Variants in EYA2 observed in about 807,000 individuals in gnomAD.
EYA2 encodes EYA transcriptional coactivator and phosphatase 2.
EYA2 carries 31 observed loss-of-function variants against 69.2 expected under a neutral mutation model. That is an observed-to-expected ratio of 0.45 (90% confidence interval 0.34 to 0.60). EYA2 has a LOEUF of 0.60. EYA2 is among the 20% of genes least tolerant of loss of function. The pLI, the probability that EYA2 is intolerant of heterozygous loss-of-function variation, is 0.02. For missense variants in EYA2, 622 were observed against 701.2 expected, an observed-to-expected ratio of 0.89 and a Z score of 1.28; for synonymous variants, 257 against 279.4, an observed-to-expected ratio of 0.92 and a Z score of 0.80.
In EYA2 at chr20:47,188,193, T is replaced by G; in HGVS notation, c.*60T>G. ...CTCAGACCCCCTCGCCTTCCCCACC[T>G]CCCCACCGAGAACTCCAGAGACCCA... On this transcript the variant is annotated 3_prime_UTR_variant, in exon 16 of 16. Coordinates refer to ENST00000327619, the MANE Select transcript of EYA2 (RefSeq NM_005244.5). 7.0e-7 allele frequency: 1 copy of G among 1,432,470 alleles called. No homozygotes were observed. Among genetic ancestry groups the G allele is most frequent in the Non-Finnish European group, 9.4e-7 (1 of 1,067,546 alleles). 88.7% of individuals were successfully genotyped at this position (1,432,470 alleles called of 1,614,324 possible).
intron 10 of EYA2, among the ~76,000 whole-genome samples, chr20:47,159,286 C>T (rs747231243): frequency 1.3e-5 from 2 of 151,968 alleles, no homozygotes; most frequent in African/African-American, 4.8e-5. Context: ...AAGAGAATGG[C>T]ACTCCCCATC....
chr20:46,995,426 T>C (rs1183925098), intron 2 of EYA2, among the ~76,000 whole-genome samples: 1 of 152,136 alleles, frequency 6.6e-6, no homozygotes, highest in Non-Finnish European at 1.5e-5. Flanking sequence ...CAGTGGCACC[T>C]CCCGCAAGAG....
intron 1 of EYA2, among the ~76,000 whole-genome samples, chr20:46,951,072 C>A (rs1022608340): frequency 2.0e-5 from 3 of 152,076 alleles, no homozygotes; most frequent in African/African-American, 7.2e-5. Context: ...CACTTGCTGC[C>A]GTTTGGAAGT....
chr20:47,130,297 C>T (rs758032113), intron 9 of EYA2, among the ~76,000 whole-genome samples: 6 of 90,642 alleles, frequency 6.6e-5, no homozygotes, highest in East Asian at 6.9e-4. Context: ...CAGAGTCTTG[C>T]TCTGTAGCCC....
chr20:47,063,382 TGTGC>T (rs1199511989), intron 5 of EYA2, among the ~76,000 whole-genome samples: 1 of 123,004 alleles, frequency 8.1e-6, no homozygotes, highest in Non-Finnish European at 1.6e-5. Context: ...TTTGTGTGTG[TGTGC>T]GTGTGCGTGT....
Position 47,180,544 on chromosome 20 carries a change from C to T in EYA2, c.1314-271C>T, listed in dbSNP as rs111538604. On this transcript the variant is annotated intron_variant, in intron 13 of 15. Transcript: ENST00000327619. ...TTCCATATCACTCATTTACATTACC[C>T]GCAACTATTTAAGTGTATGGCCCTT... 3.4e-3 allele frequency among the ~76,000 whole-genome samples: 522 copies of T among 152,278 alleles called. 2 individuals carry two copies. Among genetic ancestry groups the T allele is most frequent in the African/African-American group, 0.012 (494 of 41,536 alleles).
At chr20:47,142,643 A>G (rs774007903) in intron 9 of EYA2, among the ~76,000 whole-genome samples, 16 of 152,082 alleles carry the variant, frequency 1.1e-4, no homozygotes, top group Non-Finnish European at 2.2e-4. Context: ...CAACATCCCA[A>G]CTCTCCCAGT....
intron 1 of EYA2, among the ~76,000 whole-genome samples, chr20:46,960,222 A>G (rs1468207467): frequency 2.0e-5 from 3 of 152,174 alleles, no homozygotes; most frequent in East Asian, 1.9e-4. Flanking sequence ...CGCCACTGCA[A>G]CCTAGGAGAT....
intron 5 of EYA2, among the ~76,000 whole-genome samples, chr20:47,063,120 T>C (rs1294055122): frequency 6.6e-6 from 1 of 152,112 alleles, no homozygotes; most frequent in East Asian, 1.9e-4. Context: ...CTCTGTGGCG[T>C]TTAGTGCGTT....
chr20:47,188,458 T>G lies in EYA2; in HGVS notation c.*325T>G. On this transcript the variant is annotated 3_prime_UTR_variant, in exon 16 of 16. Transcript: ENST00000327619. Reference sequence around the variant, plus strand: ...CCTGGTGATGAGGAGGGGATGGGTTTGTCTTGTCTTCTTTTTAATTTATGG... The same window carrying G: ...CCTGGTGATGAGGAGGGGATGGGTTGGTCTTGTCTTCTTTTTAATTTATGG... 1 of 546,466 alleles carries G rather than the reference T, an allele frequency of 1.8e-6. No individual in the cohort carries two copies. The highest frequency in any genetic ancestry group is 3.2e-6 in the Non-Finnish European group (1 of 308,736). 33.9% of individuals were successfully genotyped at this position (546,466 alleles called of 1,614,324 possible). A position where few individuals can be genotyped will look rare whatever the true frequency, so the allele number is the denominator to read the frequency against.
In EYA2 at chr20:47,112,574, T is replaced by C. The variant is rs77722099; in HGVS notation, c.888+15406T>C. On this transcript the variant is annotated intron_variant, in intron 9 of 15. Coordinates refer to ENST00000327619, the MANE Select transcript of EYA2 (RefSeq NM_005244.5). ...TTAGGCATAGATTGGAGAAAGAAGG[T>C]ATCTGCATGGCTCAGATAGTCAAGG... Among the ~76,000 whole-genome samples, 970 of 152,300 alleles carry C rather than the reference T, an allele frequency of 6.4e-3. 10 individuals carry two copies. The highest frequency in any genetic ancestry group is 0.021 in the African/African-American group (886 of 41,546).
At chr20:46,904,392 A>G (rs1984256570) in intron 1 of EYA2, among the ~76,000 whole-genome samples, 1 of 152,116 alleles carries the variant, frequency 6.6e-6, no homozygotes, top group South Asian at 2.1e-4. Context: ...TGCCAAACAG[A>G]TTTAAAATAA....
At chr20:47,021,524 G>C (rs1385860395) in intron 5 of EYA2, among the ~76,000 whole-genome samples, 2 of 151,828 alleles carry the variant, frequency 1.3e-5, no homozygotes, top group Non-Finnish European at 2.9e-5. Context: ...CTACTTGGGA[G>C]GCTGAGGCAG....
intron 1 of EYA2, among the ~76,000 whole-genome samples, chr20:46,976,193 C>T (rs1433673881): frequency 6.6e-6 from 1 of 152,118 alleles, no homozygotes; most frequent in African/African-American, 2.4e-5. Flanking sequence ...AGATGCCTGT[C>T]TCCACAAAAA....
chr20:46,912,979 C>T (rs1306110064), intron 1 of EYA2, among the ~76,000 whole-genome samples: 5 of 152,072 alleles, frequency 3.3e-5, no homozygotes, highest in Non-Finnish European at 7.4e-5. Context: ...GGATTACAGG[C>T]GTGAGCCACC....
intron 1 of EYA2, among the ~76,000 whole-genome samples, chr20:46,972,213 C>T (rs189967779): frequency 8.7e-4 from 132 of 152,264 alleles, no homozygotes; most frequent in African/African-American, 3.0e-3. Context: ...GTTTAAATAA[C>T]AGCAAAAAGG....
At chr20:46,967,951 C>A (rs575974782) in intron 1 of EYA2, among the ~76,000 whole-genome samples, 124 of 152,324 alleles carry the variant, frequency 8.1e-4, no homozygotes, top group African/African-American at 2.8e-3. Context: ...TGACCATGGG[C>A]TCTGCCCAAG....
At chr20:46,978,193 A>G (rs911311631) in intron 1 of EYA2, 1 of 178,952 alleles carries the variant, frequency 5.6e-6, no homozygotes, top group African/African-American at 2.4e-5. Context: ...AGACCGAGGA[A>G]TGGGAGATGC....
In EYA2 at chr20:47,027,876, T is replaced by C. The variant is rs577392862; in HGVS notation, c.415+11579T>C. On this transcript the variant is annotated intron_variant, in intron 5 of 15. Transcript: ENST00000327619. ...TTTAATTAATTGTAAATGCACCTAC[T>C]CTATTGGGCAGCACAGGTCTAAGCA... 6.5e-4 allele frequency among the ~76,000 whole-genome samples: 99 copies of C among 152,342 alleles called. 1 individual carries two copies. Among genetic ancestry groups the C allele is most frequent in the African/African-American group, 2.3e-3 (95 of 41,584 alleles).
Sources: allele counts gnomAD v4.1 joint callset (sites outside exome capture counted in the v4.1 genomes callset), GRCh38; gene constraint gnomAD v4.1.1; transcripts MANE v1.5; gene names NCBI Gene and HGNC (gene_info 2026-07-23, HGNC 2026-07-21).